The following CADM1 variants were observed in gnomAD, a reference collection of about 807,000 sequenced individuals.
CADM1 encodes the protein TSLC-1.
CADM1 carries 15 observed loss-of-function variants against 53.1 expected under a neutral mutation model. That is an observed-to-expected ratio of 0.28 (90% CI 0.19 to 0.44). The LOEUF is 0.44. Ranked by LOEUF, CADM1 falls within the 20% of genes least tolerant of loss-of-function variation. CADM1 has a pLI of 1.00. For missense variants in CADM1, 434 were observed against 611.3 expected (o/e 0.71, Z 3.06); for synonymous variants, 281 against 243.0 (o/e 1.16, Z -1.45).
chr11:115,379,217 A>C (rs1946515725), intron 1 of CADM1, among the ~76,000 whole-genome samples: 1 of 152,252 alleles, frequency 6.6e-6, no homozygotes, highest in Non-Finnish European at 1.5e-5. Context: ...ATGCTGAATC[A>C]GGTTAGGGTT....
intron 3 of CADM1, among the ~76,000 whole-genome samples, chr11:115,233,777 T>C (rs147306006): frequency 1.3e-5 from 2 of 152,264 alleles, no homozygotes; most frequent in African/African-American, 4.8e-5. Flanking sequence ...TAATTTTTCA[T>C]GTTGAAATAT....
intron 1 of CADM1, among the ~76,000 whole-genome samples, chr11:115,356,316 C>T (rs946874762): frequency 7.3e-5 from 11 of 150,154 alleles, no homozygotes; most frequent in South Asian, 4.2e-4. Context: ...AAATAACCTG[C>T]GAATTTGGAA....
chr11:115,472,296 A>G (rs1370959195), intron 1 of CADM1, among the ~76,000 whole-genome samples: 1 of 152,254 alleles, frequency 6.6e-6, no homozygotes, highest in East Asian at 1.9e-4. Context: ...ACAGTGGATC[A>G]CAACACAGAT....
intron 1 of CADM1, among the ~76,000 whole-genome samples, chr11:115,463,566 A>T (rs998872659): frequency 6.6e-6 from 1 of 152,218 alleles, no homozygotes; most frequent in African/African-American, 2.4e-5. Context: ...GAAACAATAC[A>T]GATTTGCCTT....
intron 1 of CADM1, among the ~76,000 whole-genome samples, chr11:115,365,958 G>A (rs567473931): frequency 3.3e-5 from 5 of 152,292 alleles, no homozygotes; most frequent in Middle Eastern, 3.4e-3. Flanking sequence ...CTGATTGATT[G>A]GGCATTTGTG....
rs888755214 is a variant in CADM1, at chr11:115,175,814, T to C, written c.*660A>G. 1.2e-5 allele frequency: 12 copies of C among 992,346 alleles called. No individual in the cohort carries two copies. The highest frequency in any genetic ancestry group is 8.4e-6 in the Non-Finnish European group (7 of 833,970). 61.5% of individuals were successfully genotyped at this position (992,346 alleles called of 1,614,324 possible). The stretch of plus-strand genomic sequence containing the variant: ...TCTGAATCACAGTCTAATTTTCTAG[T>C]CTTCACTGCTCTAAGTATTTGAAAC... On this transcript the variant is annotated 3_prime_UTR_variant, in exon 12 of 12. Coordinates refer to ENST00000331581, the MANE Select transcript of CADM1 (RefSeq NM_001301043.2).
chr11:115,197,280 G>C (rs1359241595), intron 9 of CADM1, among the ~76,000 whole-genome samples: 3 of 152,156 alleles, frequency 2.0e-5, no homozygotes, highest in Non-Finnish European at 4.4e-5. Context: ...GTCTGTGCCA[G>C]GAAATGTTTC....
intron 5 of CADM1, among the ~76,000 whole-genome samples, chr11:115,222,959 G>A (rs969669820): frequency 6.6e-6 from 1 of 152,046 alleles, no homozygotes; most frequent in Non-Finnish European, 1.5e-5. Flanking sequence ...ACAAGAGAGG[G>A]GTTTTTTTGT....
intron 1 of CADM1, among the ~76,000 whole-genome samples, chr11:115,285,634 TA>T (rs1269142797): frequency 1.3e-5 from 2 of 152,258 alleles, no homozygotes; most frequent in African/African-American, 4.8e-5. Flanking sequence ...TGTGTTTTCA[TA>T]TATTTCATTT....
At chr11:115,494,397 C>T (rs1949565988) in intron 1 of CADM1, among the ~76,000 whole-genome samples, 2 of 152,076 alleles carry the variant, frequency 1.3e-5, no homozygotes, top group South Asian at 2.1e-4. Flanking sequence ...GGGTTAGCTA[C>T]AGAAACACCA....
At chr11:115,390,682 A>G (rs1161020045) in intron 1 of CADM1, among the ~76,000 whole-genome samples, 2 of 151,770 alleles carry the variant, frequency 1.3e-5, no homozygotes, top group Non-Finnish European at 2.9e-5. Flanking sequence ...AAAAAAAAAA[A>G]AAAAAGGTTG....
In CADM1 at chr11:115,231,417, G is replaced by A; in HGVS notation, c.498C>T (p.Cys166=). Residue 166 remains cysteine (C), a synonymous_variant, in exon 4 of 12, where the codon TGC becomes TGT. Transcript: ENST00000331581. ...TGGCTGGCTTGCTGGCCATAGCAGT[G>A]CAGTTGACTTCAATCTCCTCACCTT... ...AVEGEEIEVN[C]TAMASKPATT... 6.2e-7 allele frequency: 1 copy of A among 1,614,066 alleles called. No individual in the cohort carries two copies. Among genetic ancestry groups the A allele is most frequent in the Non-Finnish European group, 8.5e-7 (1 of 1,179,914 alleles).
intron 5 of CADM1, among the ~76,000 whole-genome samples, chr11:115,224,230 A>G (rs1355375940): frequency 1.3e-5 from 2 of 152,148 alleles, no homozygotes; most frequent in Admixed American, 1.3e-4. Context: ...GGCACAGATA[A>G]AGAACAGGTT....
intron 1 of CADM1, among the ~76,000 whole-genome samples, chr11:115,437,564 C>G (rs930294867): frequency 6.6e-6 from 1 of 152,182 alleles, no homozygotes; most frequent in Non-Finnish European, 1.5e-5. Flanking sequence ...CCAACAGTTT[C>G]ACAGAAGCAG....
At chr11:115,502,427 A>G (rs1173125676) in intron 1 of CADM1, among the ~76,000 whole-genome samples, 1 of 141,736 alleles carries the variant, frequency 7.1e-6, no homozygotes, top group African/African-American at 2.6e-5. Flanking sequence ...CTCACGTTTA[A>G]CTGACACTGG....
At chr11:115,414,144 A>G (rs1431836097) in intron 1 of CADM1, among the ~76,000 whole-genome samples, 1 of 152,046 alleles carries the variant, frequency 6.6e-6, no homozygotes, top group Non-Finnish European at 1.5e-5. Context: ...TTCTAGAACC[A>G]TTTGCTTATT....
intron 1 of CADM1, among the ~76,000 whole-genome samples, chr11:115,298,456 G>C (rs12274562): frequency 6.6e-6 from 1 of 152,164 alleles, no homozygotes; most frequent in Non-Finnish European, 1.5e-5. Flanking sequence ...TGGGGCAGAG[G>C]TGAATGCCTC....
chr11:115,173,849 C>A lies in CADM1; in HGVS notation c.*2625G>T. The A allele has an allele frequency of 7.2e-6, 7 of 978,356 alleles. No homozygotes were observed. Among genetic ancestry groups the A allele is most frequent in the Non-Finnish European group, 8.5e-6 (7 of 823,594 alleles). The allele number at this position is 978,356 out of a possible 1,614,324, so 60.6% of individuals were successfully genotyped here. On this transcript the variant is annotated 3_prime_UTR_variant, in exon 12 of 12. Coordinates refer to ENST00000331581, the MANE Select transcript of CADM1 (RefSeq NM_001301043.2). ...GACGTCGGTGTGACTAAAGAACAAG[C>A]TTATTTGGCATCAATTATACATCCT...
At chr11:115,268,403 G>A (rs1274280033) in intron 1 of CADM1, among the ~76,000 whole-genome samples, 2 of 152,042 alleles carry the variant, frequency 1.3e-5, no homozygotes, top group Non-Finnish European at 2.9e-5. Flanking sequence ...TTCAGGCAAG[G>A]AAAAAACCAA....
Sources: gnomAD v4.1 joint callset for allele counts (sites outside exome capture counted in the v4.1 genomes callset) on GRCh38, gnomAD v4.1.1 for gene constraint, MANE v1.5 for transcripts, NCBI Gene and HGNC (gene_info 2026-07-23, HGNC 2026-07-21) for gene names.